MYO9B: variants seen among roughly 807,000 people sequenced by gnomAD.
The protein encoded by MYO9B is unconventional myosin-IXb.
In MYO9B, 71 loss-of-function variants were observed where a neutral mutation model predicts 229.5. That is an observed-to-expected ratio of 0.31 (90% confidence interval 0.26 to 0.38). The LOEUF is 0.38. Ranked by LOEUF, MYO9B falls within the 10% of genes least tolerant of loss-of-function variation. The pLI, the probability that MYO9B is intolerant of heterozygous loss-of-function variation, is 1.00. For synonymous variants in MYO9B, 1,185 were observed against 1,235.8 expected (o/e 0.96, Z 0.86); for missense variants, 2,255 against 2,920.5 (o/e 0.77, Z 5.25).
chr19:17,123,464 G>A lies in MYO9B; in HGVS notation c.840+20907G>A, dbSNP rs569752468. Among the ~76,000 whole-genome samples the A allele has an allele frequency of 2.2e-3, 332 of 150,076 alleles. 1 individual carries two copies. Among genetic ancestry groups the A allele is most frequent in the Non-Finnish European group, 3.3e-3 (220 of 67,556 alleles). On this transcript the variant is annotated intron_variant, in intron 2 of 39. Transcript: ENST00000682292. ...TGTGTGTGTGTGTGTGTGTGTGATGGAGTTTCACTCTTGTCACCCAGGCTG... is the reference window on the plus strand; with the variant it reads ...TGTGTGTGTGTGTGTGTGTGTGATGAAGTTTCACTCTTGTCACCCAGGCTG...
chr19:17,106,201 C>T (rs1453250678), intron 2 of MYO9B, among the ~76,000 whole-genome samples: 1 of 152,132 alleles, frequency 6.6e-6, no homozygotes, highest in Non-Finnish European at 1.5e-5. Flanking sequence ...TTACTATGTT[C>T]TCCAGGCTGG....
chr19:17,172,212 C>CT lies in MYO9B; in HGVS notation c.1794-122dup, dbSNP rs2145359808. On this transcript the variant is annotated intron_variant, in intron 11 of 39. Transcript: ENST00000682292. This position sits in a 1 kb window ranked among gnomAD's most constrained non-coding sequence, Gnocchi z 8.2. ...CCTCTGTGCACAGAGCCCTGTGCCA[C>CT]TTCACTGCTCTGCCCACCCCATGCA... 3.1e-6 allele frequency: 4 copies of CT among 1,278,164 alleles called. No homozygotes were observed. In the South Asian group the frequency reaches 4.3e-5, roughly 14 times the overall value. The allele number at this position is 1,278,164 out of a possible 1,614,324, so 79.2% of individuals were successfully genotyped here. A position where few individuals can be genotyped will look rare whatever the true frequency, so the allele number is the denominator to read the frequency against.
chr19:17,096,245 C>G (rs182810898), intron 1 of MYO9B, among the ~76,000 whole-genome samples: 32 of 152,298 alleles, frequency 2.1e-4, no homozygotes, highest in Non-Finnish European at 3.8e-4. Context: ...GTTTGGGACT[C>G]TCAGAAGTTA....
chr19:17,130,243 G>A (rs1285114810), intron 2 of MYO9B, among the ~76,000 whole-genome samples: 3 of 152,106 alleles, frequency 2.0e-5, no homozygotes, highest in Non-Finnish European at 4.4e-5. Flanking sequence ...GGCTGAGGCG[G>A]GTGAATCACT....
chr19:17,102,881 T>C (rs1322685393), intron 2 of MYO9B, among the ~76,000 whole-genome samples: 1 of 148,912 alleles, frequency 6.7e-6, no homozygotes, highest in Non-Finnish European at 1.5e-5. Context: ...CACTCCAGCC[T>C]GGATGACAGA....
rs528872582 is a variant in MYO9B at position 17,093,686 on chromosome 19, CGGG to C, written c.-58-7970_-58-7968del. Among the ~76,000 whole-genome samples, 8 of 98,700 alleles carry C rather than the reference CGGG, an allele frequency of 8.1e-5. 1 individual carries two copies. Among genetic ancestry groups the C allele is most frequent in the African/African-American group, 2.3e-4 (7 of 30,694 alleles). The allele number at this position is 98,700 out of a possible 152,430, so 64.8% of individuals were successfully genotyped here. A position where few individuals can be genotyped will look rare whatever the true frequency, so the allele number is the denominator to read the frequency against. On this transcript the variant is annotated intron_variant, in intron 1 of 39. Transcript: ENST00000682292. ...TGTAATTTTTAAAGCAGTTTTTTTG[CGGG>C]GGGTGGGGGGGGGGGTGGTTTGAGA... is the stretch of plus-strand genomic sequence containing the variant.
At chr19:17,128,810 T>G (rs1234167286) in intron 2 of MYO9B, among the ~76,000 whole-genome samples, 1 of 152,226 alleles carries the variant, frequency 6.6e-6, no homozygotes, top group Non-Finnish European at 1.5e-5. Context: ...CCCTGGCCAG[T>G]GTCATGTGGT....
intron 2 of MYO9B, among the ~76,000 whole-genome samples, chr19:17,137,191 G>A (rs1015649762): frequency 4.1e-5 from 6 of 148,100 alleles, no homozygotes; most frequent in Admixed American, 1.4e-4. Context: ...TTGTGCCATT[G>A]CACTCCAGCC....
At chr19:17,086,130 C>T (rs1196891749) in intron 1 of MYO9B, among the ~76,000 whole-genome samples, 2 of 152,158 alleles carry the variant, frequency 1.3e-5, no homozygotes, top group African/African-American at 2.4e-5. Context: ...TCTTAATGTC[C>T]CTCTGGTCCT....
At chr19:17,170,088 A>G (rs932058881) in intron 11 of MYO9B, among the ~76,000 whole-genome samples, 3 of 150,944 alleles carry the variant, frequency 2.0e-5, no homozygotes, top group African/African-American at 7.3e-5. Context: ...GTAGAGATGG[A>G]ATCTCCCTGT....
At chr19:17,169,018 G>A (rs1001822158) in intron 11 of MYO9B, among the ~76,000 whole-genome samples, 6 of 152,042 alleles carry the variant, frequency 3.9e-5, no homozygotes, top group Non-Finnish European at 7.4e-5. Flanking sequence ...CTAAGGAACC[G>A]CTACAAGCCA....
chr19:17,083,026 C>CT (rs71334657), intron 1 of MYO9B, among the ~76,000 whole-genome samples: 62,837 of 91,066 alleles, frequency 0.69, 23,016 homozygotes, highest in South Asian at 0.8. Flanking sequence ...GTGAATCTTG[C>CT]TTTTTTTTTT....
In MYO9B at chr19:17,209,592, G is replaced by C. The variant is rs1305857177; in HGVS notation, c.5631G>C (p.Val1877=). 6.3e-7 allele frequency: 1 copy of C among 1,592,002 alleles called. No homozygotes were observed. Among genetic ancestry groups the C allele is most frequent in the Non-Finnish European group, 8.5e-7 (1 of 1,169,598 alleles). ...CCGTGGGCCTTCTCTGTAGGTGCGT[G>C]GAGATGCTGATCAAGGAGCAGATGA... ...MKDVLKITTC[V]EMLIKEQMRK... is the part of the protein sequence containing the mutation. Residue 1877 remains valine (V), a synonymous_variant, in exon 36 of 40, where the codon GTG becomes GTC. Transcript: ENST00000682292.
chr19:17,162,401 G>T lies in MYO9B; in HGVS notation c.1471G>T (p.Asp491Tyr). 1.3e-6 allele frequency: 2 copies of T among 1,589,300 alleles called. No homozygotes were observed. The highest frequency in any genetic ancestry group is 1.8e-5 in the Admixed American group (1 of 56,436). Residue 491 changes from aspartate (D) to tyrosine (Y), a missense_variant, in exon 9 of 40, where the codon GAC becomes TAC. Coordinates refer to ENST00000682292, the MANE Select transcript of MYO9B (RefSeq NM_004145.4). ...MAKSLYSALFDWIVLRINHAL... is the reference protein window; with the variant it reads ...MAKSLYSALFYWIVLRINHAL... The stretch of plus-strand genomic sequence containing the variant: ...CAAGTCTCTGTACAGCGCCCTGTTC[G>T]ACTGGATTGTGCTGCGGATCAACCA...
chr19:17,153,384 T>TAAA (rs79301576), intron 4 of MYO9B, among the ~76,000 whole-genome samples: 147 of 136,064 alleles, frequency 1.1e-3, no homozygotes, highest in African/African-American at 1.3e-3. Context: ...TTGTCTCTTT[T>TAAA]AAAAAAAAAA....
At chr19:17,075,964 G>C (rs1207042634) in intron 1 of MYO9B, 90 bp downstream of exon 1, 2 of 152,470 alleles carry the variant, frequency 1.3e-5, no homozygotes, top group African/African-American at 4.8e-5. Context: ...GAGGGCTGAT[G>C]GGGGACGCGA....
chr19:17,103,998 G>A (rs919255160), intron 2 of MYO9B, among the ~76,000 whole-genome samples: 4 of 150,988 alleles, frequency 2.6e-5, no homozygotes, highest in South Asian at 2.1e-4. Context: ...GGAGGTTGCA[G>A]TGAGCCAAGA....
intron 2 of MYO9B, among the ~76,000 whole-genome samples, chr19:17,122,074 G>A (rs1191377515): frequency 2.6e-5 from 4 of 152,088 alleles, no homozygotes; most frequent in African/African-American, 9.7e-5. Context: ...ATCTCAAGAT[G>A]AAACCTTTCC....
intron 20 of MYO9B, among the ~76,000 whole-genome samples, chr19:17,191,629 C>T (rs1215912128): frequency 6.6e-6 from 1 of 152,074 alleles, no homozygotes; most frequent in Non-Finnish European, 1.5e-5. Flanking sequence ...CTCAGCCACC[C>T]TTGTTTAACA....
Sources: allele counts gnomAD v4.1 joint callset (sites outside exome capture counted in the v4.1 genomes callset), GRCh38; gene constraint gnomAD v4.1.1; non-coding constraint Gnocchi (gnomAD v3.1); transcripts MANE v1.5; gene names NCBI Gene and HGNC (gene_info 2026-07-23, HGNC 2026-07-21).